PDE3A: variants seen among roughly 807,000 people sequenced by gnomAD.
PDE3A encodes the protein cGMP-inhibited 3',5'-cyclic phosphodiesterase 3A.
Under a neutral mutation model 98.3 loss-of-function variants are expected in PDE3A, and 43 were observed. The observed-to-expected ratio is 0.44, with a 90% CI of 0.34 to 0.56. The LOEUF (loss-of-function observed/expected upper bound fraction) is 0.56. PDE3A is among the 20% of genes least tolerant of loss of function. The pLI, the probability that PDE3A is intolerant of heterozygous loss-of-function variation, is 0.01. For synonymous variants in PDE3A, 663 were observed against 567.9 expected (o/e 1.17, Z -2.38); for missense variants, 1,427 against 1,440.7 (o/e 0.99, Z 0.15).
At chr12:20,562,734 T>C (rs1380805485) in intron 2 of PDE3A, among the ~76,000 whole-genome samples, 1 of 152,184 alleles carries the variant, frequency 6.6e-6, no homozygotes, top group African/African-American at 2.4e-5. Flanking sequence ...AGTATATTAT[T>C]GGTATTTGAC....
At chr12:20,370,667 T>C (rs74065005) in intron 1 of PDE3A, among the ~76,000 whole-genome samples, 143 of 152,252 alleles carry the variant, frequency 9.4e-4, no homozygotes, top group African/African-American at 3.4e-3. Flanking sequence ...TTTTACTAGA[T>C]TTCTACTTTT....
intron 15 of PDE3A, among the ~76,000 whole-genome samples, chr12:20,654,426 A>G (rs1173383957): frequency 1.3e-5 from 2 of 152,168 alleles, no homozygotes; most frequent in Non-Finnish European, 1.5e-5. Flanking sequence ...CTTCTCCGTC[A>G]TGAAGTCATG....
chr12:20,453,090 A>T (rs983099343), intron 1 of PDE3A, among the ~76,000 whole-genome samples: 16 of 151,580 alleles, frequency 1.1e-4, no homozygotes, highest in South Asian at 2.1e-4. Context: ...GGTGCAAGGG[A>T]TTTAAAAGCC....
intron 2 of PDE3A, among the ~76,000 whole-genome samples, chr12:20,612,073 T>C (rs988015345): frequency 6.6e-6 from 1 of 151,940 alleles, no homozygotes; most frequent in African/African-American, 2.4e-5. Context: ...TACTAATTGA[T>C]AGGCTTAGCA....
chr12:20,590,771 G>C (rs1279483043), intron 2 of PDE3A, among the ~76,000 whole-genome samples: 1 of 152,088 alleles, frequency 6.6e-6, no homozygotes, highest in Non-Finnish European at 1.5e-5. Context: ...AGATAGAATG[G>C]AAATTAGAAA....
intron 1 of PDE3A, among the ~76,000 whole-genome samples, chr12:20,372,937 A>G (rs1373897494): frequency 6.6e-6 from 1 of 152,094 alleles, no homozygotes; most frequent in Non-Finnish European, 1.5e-5. Context: ...TTACTGATGA[A>G]CTATCCCTCT....
At chr12:20,626,605 TCTC>T (rs1242099289) in intron 5 of PDE3A, among the ~76,000 whole-genome samples, 1 of 152,100 alleles carries the variant, frequency 6.6e-6, no homozygotes, top group Non-Finnish European at 1.5e-5. Flanking sequence ...TTCAAGCAAT[TCTC>T]CTGCCTCAGC....
At chr12:20,511,985 T>C (rs1270449767) in intron 1 of PDE3A, among the ~76,000 whole-genome samples, 1 of 151,962 alleles carries the variant, frequency 6.6e-6, no homozygotes, top group Non-Finnish European at 1.5e-5. Context: ...AGGGATATTA[T>C]AGAATATACA....
At chr12:20,601,310 T>G (rs1308552843) in intron 2 of PDE3A, among the ~76,000 whole-genome samples, 3 of 152,144 alleles carry the variant, frequency 2.0e-5, no homozygotes, top group African/African-American at 7.2e-5. Flanking sequence ...ATGAATGGAA[T>G]ATCCCAATAG....
At chr12:20,554,537 G>A (rs184593417) in intron 1 of PDE3A, among the ~76,000 whole-genome samples, 64 of 150,602 alleles carry the variant, frequency 4.2e-4, no homozygotes, top group Admixed American at 3.9e-3. Context: ...TATAAGGTTA[G>A]GCTTTAATTA....
intron 1 of PDE3A, among the ~76,000 whole-genome samples, chr12:20,494,191 C>T (rs1184435363): frequency 6.6e-6 from 1 of 152,208 alleles, no homozygotes; most frequent in African/African-American, 2.4e-5. Context: ...GACATTAGTA[C>T]AAATATTCAA....
intron 1 of PDE3A, among the ~76,000 whole-genome samples, chr12:20,412,416 T>A (rs2120714557): frequency 6.6e-6 from 1 of 152,296 alleles, no homozygotes; most frequent in South Asian, 2.1e-4. Context: ...TAGTGTTCCT[T>A]TTTTCTCCTG....
chr12:20,490,871 G>A (rs1945814324), intron 1 of PDE3A, among the ~76,000 whole-genome samples: 1 of 152,050 alleles, frequency 6.6e-6, no homozygotes, highest in Non-Finnish European at 1.5e-5. Context: ...AGTTATTTGG[G>A]AGGCCCAGGA....
In PDE3A at chr12:20,683,750, T is replaced by C. The variant is rs1945865408; in HGVS notation, c.*3479T>C. ...GTCTTCATCTGATGAATGAAGAAATTTTCTCATATTATGTTCAAGAAAGTA... is the reference window on the plus strand; with the variant it reads ...GTCTTCATCTGATGAATGAAGAAATCTTCTCATATTATGTTCAAGAAAGTA... On this transcript the variant is annotated 3_prime_UTR_variant, in exon 16 of 16. Coordinates refer to ENST00000359062, the MANE Select transcript of PDE3A (RefSeq NM_000921.5). The C allele has an allele frequency of 6.6e-6, 1 of 152,122 alleles. No individual in the cohort carries two copies. Among genetic ancestry groups the C allele is most frequent in the Admixed American group, 6.6e-5 (1 of 15,262 alleles). 9.4% of individuals were successfully genotyped at this position (152,122 alleles called of 1,614,324 possible). A position where few individuals can be genotyped will look rare whatever the true frequency, so the allele number is the denominator to read the frequency against.
intron 1 of PDE3A, among the ~76,000 whole-genome samples, chr12:20,398,536 C>G (rs73235839): frequency 0.018 from 2,685 of 152,048 alleles, 75 homozygotes; most frequent in African/African-American, 0.061. Context: ...AAAAACTGCA[C>G]TTATTTTTTT....
intron 4 of PDE3A, among the ~76,000 whole-genome samples, chr12:20,619,118 T>A (rs1168198116): frequency 6.6e-6 from 1 of 151,998 alleles, no homozygotes; most frequent in African/African-American, 2.4e-5. Context: ...ACTGTGAGGG[T>A]CTCACACAGC....
intron 1 of PDE3A, among the ~76,000 whole-genome samples, chr12:20,524,315 C>T (rs1161046121): frequency 6.6e-6 from 1 of 152,184 alleles, no homozygotes; most frequent in African/African-American, 2.4e-5. Context: ...TAATCTGTCC[C>T]ATTTCCTCGT....
intron 1 of PDE3A, among the ~76,000 whole-genome samples, chr12:20,487,017 CAT>C (rs1214267464): frequency 2.6e-5 from 4 of 152,120 alleles, no homozygotes; most frequent in African/African-American, 9.7e-5. Flanking sequence ...GAATTTTTTT[CAT>C]AGTTTTTTAA....
chr12:20,615,024 T>C (rs1174940659), intron 3 of PDE3A, among the ~76,000 whole-genome samples: 3 of 137,232 alleles, frequency 2.2e-5, no homozygotes, highest in Non-Finnish European at 3.1e-5. Flanking sequence ...TTCTTTTTTT[T>C]TTTTTTTTTT....
Sources: allele counts gnomAD v4.1 joint callset (sites outside exome capture counted in the v4.1 genomes callset), GRCh38; gene constraint gnomAD v4.1.1; transcripts MANE v1.5; gene names NCBI Gene and HGNC (gene_info 2026-07-23, HGNC 2026-07-21).